Variants in EPC1 observed in about 807,000 individuals in gnomAD.
EPC1 encodes the protein enhancer of polycomb homolog 1.
Under a neutral mutation model 98.4 loss-of-function variants are expected in EPC1, and 12 were observed. The observed-to-expected ratio is 0.12, with a 90% CI of 0.08 to 0.20. The LOEUF is 0.20. Among genes scored for constraint, EPC1 ranks in the 10% least tolerant of loss-of-function variants. EPC1 has a pLI of 1.00. For synonymous variants in EPC1, 357 were observed against 363.9 expected (o/e 0.98, Z 0.21); for missense variants, 729 against 990.5 (o/e 0.74, Z 3.54).
At chr10:32,337,679 C>A (rs1281065233) in intron 1 of EPC1, among the ~76,000 whole-genome samples, 1 of 152,190 alleles carries the variant, frequency 6.6e-6, no homozygotes, top group Non-Finnish European at 1.5e-5. Flanking sequence ...TAAAAGAAAT[C>A]ATTTGCTGAT....
intron 1 of EPC1, among the ~76,000 whole-genome samples, chr10:32,357,546 A>G (rs1839313550): frequency 6.6e-6 from 1 of 152,164 alleles, no homozygotes; most frequent in South Asian, 2.1e-4. Flanking sequence ...CTGCAGCCTC[A>G]AACTTCTGGA....
intron 1 of EPC1, among the ~76,000 whole-genome samples, chr10:32,327,089 A>ACACACT (rs1419191485): frequency 1.3e-5 from 2 of 150,810 alleles, no homozygotes; most frequent in African/African-American, 2.4e-5. Context: ...ACACACACAC[A>ACACACT]CTCACAATGG....
Position 32,305,820 on chromosome 10 carries a change from T to C in EPC1, c.265A>G (p.Ile89Val), listed in dbSNP as rs138679776. ...AESNIAYYES[I>V]YPGEFKMPKQ... ...GGCATCTTAAATTCCCCAGGATATA[T>C]AGACTCATAGTAAGCAATATTACTT... Residue 89 changes from isoleucine to valine, a missense_variant, in exon 2 of 14, where the codon ATA (isoleucine) becomes GTA (valine). Around this residue, in one of 6 missense-constraint regions of EPC1, gnomAD observed 94 missense variants for 125.1 expected, o/e 0.75. Coordinates refer to ENST00000319778, the MANE Select transcript of EPC1 (RefSeq NM_001272004.3). 1.2e-5 allele frequency: 20 copies of C among 1,612,244 alleles called. No individual in the cohort carries two copies. In the Admixed American group the frequency reaches 1.3e-4, roughly 11 times the overall value.
At chr10:32,344,368 G>C (rs887070539) in intron 1 of EPC1, among the ~76,000 whole-genome samples, 34 of 151,880 alleles carry the variant, frequency 2.2e-4, no homozygotes, top group African/African-American at 8.0e-4. Flanking sequence ...GCTTTGGTTG[G>C]ATGTGAAGTG....
At position 32,333,623 on chromosome 10, in the gene EPC1, A is replaced by G. The variant is rs1043607863; in HGVS notation, c.153+13140T>C. Among the ~76,000 whole-genome samples, 8 of 152,316 alleles carry G rather than the reference A, an allele frequency of 5.3e-5. No individual in the cohort carries two copies. The South Asian group carries it at 1.7e-3, about 32-fold the overall frequency. On this transcript the variant is annotated intron_variant, in intron 1 of 13. Coordinates refer to ENST00000319778, the MANE Select transcript of EPC1 (RefSeq NM_001272004.3). ...ACTGCCAGAAAAACATGATCTAAAA[A>G]CTAAGCCATGGGAGTAACTATAAAA...
At chr10:32,377,706 C>T (rs542885849) in intron 1 of EPC1, among the ~76,000 whole-genome samples, 6 of 151,378 alleles carry the variant, frequency 4.0e-5, no homozygotes, top group African/African-American at 1.5e-4. Context: ...TTTTTTTCTT[C>T]CTTTTTTCTT....
chr10:32,348,487 AGCTTAG>A (rs1179649555), upstream of EPC1, among the ~76,000 whole-genome samples: 1 of 152,202 alleles, frequency 6.6e-6, no homozygotes, highest in Non-Finnish European at 1.5e-5. Flanking sequence ...AGCTGTCACT[AGCTTAG>A]GGCACACAGG....
chr10:32,367,146 C>A (rs1175355389), intron 1 of EPC1, among the ~76,000 whole-genome samples: 1 of 152,170 alleles, frequency 6.6e-6, no homozygotes, highest in Non-Finnish European at 1.5e-5. Flanking sequence ...CAGGCGCCAG[C>A]CACCACACCT....
At chr10:32,315,162 A>G (rs1836480654) in intron 1 of EPC1, among the ~76,000 whole-genome samples, 2 of 152,224 alleles carry the variant, frequency 1.3e-5, no homozygotes, top group Admixed American at 1.3e-4. Context: ...TGAGGACTAA[A>G]TAATATTGTC....
intron 1 of EPC1, among the ~76,000 whole-genome samples, chr10:32,308,715 AG>A (rs1836019985): frequency 6.6e-6 from 1 of 152,228 alleles, no homozygotes; most frequent in South Asian, 2.1e-4. Flanking sequence ...TATGGAAAAC[AG>A]TATGGAAGTC....
intron 10 of EPC1, among the ~76,000 whole-genome samples, chr10:32,280,389 T>C (rs956865539): frequency 6.6e-6 from 1 of 151,912 alleles, no homozygotes; most frequent in Non-Finnish European, 1.5e-5. Context: ...CAGGCAGAGG[T>C]TGCAGTGAGT....
chr10:32,287,742 G>T (rs1836764098), intron 6 of EPC1, among the ~76,000 whole-genome samples: 2 of 152,068 alleles, frequency 1.3e-5, no homozygotes, highest in African/African-American at 4.8e-5. Context: ...TGTTAACATA[G>T]TAGAAAACAA....
rs146679178 is a variant in EPC1, at chr10:32,272,041, C to A, written c.1990G>T (p.Val664Phe). The change falls in exon 12 of 14, where the codon GTC becomes TTC. Residue 664 changes from valine (V) to phenylalanine (F), a missense_variant. Around this residue, in one of 6 missense-constraint regions of EPC1, gnomAD observed 156 missense variants for 188.9 expected, o/e 0.83. Transcript: ENST00000319778. The part of the protein sequence containing the change: ...DVVLGIGVNG[V>F]LPASGVYKGL... ...TTATTCTTACCTGAGGCTGGAAGGA[C>A]GCCATTCACCCCGATTCCAAGCACC... 2 of 1,612,684 alleles carry A rather than the reference C, an allele frequency of 1.2e-6. No homozygotes were observed.
intron 1 of EPC1, among the ~76,000 whole-genome samples, chr10:32,309,509 T>C (rs201906576): frequency 1.4e-5 from 2 of 138,930 alleles, no homozygotes; most frequent in Admixed American, 7.4e-5. Context: ...TTTTTTTTTC[T>C]TTTCCCATTC....
At chr10:32,286,379 T>A (rs1215796473) in intron 9 of EPC1, 1 of 335,582 alleles carries the variant, frequency 3.0e-6, no homozygotes. Flanking sequence ...CTTAATACAC[T>A]GTGTGCAATC....
At position 32,286,784 on chromosome 10, in the gene EPC1, C is replaced by T; in HGVS notation, c.1301G>A (p.Gly434Glu). ...PWTSPKDGGL[G>E]DVRYRYCLTT... The stretch of plus-strand genomic sequence containing the variant: ...TAAGCAGTATCTATATCGCACATCC[C>T]CTAATCCTCCATCTTTAGGACTAGT... The change falls in exon 9 of 14, where the codon GGG becomes GAG. Residue 434 changes from glycine (G) to glutamate (E), a missense_variant. Physicochemically the swap from Gly to Glu is moderately conservative, Grantham distance 98. This residue lies in a region of EPC1 where 390 missense variants were observed against 438.6 expected (regional missense o/e 0.89). Coordinates refer to ENST00000319778, the MANE Select transcript of EPC1 (RefSeq NM_001272004.3). 2 of 1,614,060 alleles carry T rather than the reference C, an allele frequency of 1.2e-6. No individual in the cohort carries two copies. The highest frequency in any genetic ancestry group is 2.7e-5 in the African/African-American group (2 of 75,000).
intron 1 of EPC1, among the ~76,000 whole-genome samples, chr10:32,346,119 C>A (rs907284018): frequency 6.6e-6 from 1 of 152,170 alleles, no homozygotes; most frequent in African/African-American, 2.4e-5. Context: ...GTAAGTCGTC[C>A]GGGCAAACAC....
chr10:32,375,618 C>T (rs945334643), intron 1 of EPC1, among the ~76,000 whole-genome samples: 2 of 151,932 alleles, frequency 1.3e-5, no homozygotes, highest in Admixed American at 1.3e-4. Flanking sequence ...TTTCTGCAAC[C>T]TGTTTTTTGG....
At chr10:32,348,239 GA>G (rs932569805), upstream of EPC1, among the ~76,000 whole-genome samples, 1 of 152,172 alleles carries the variant, frequency 6.6e-6, no homozygotes, top group African/African-American at 2.4e-5. Context: ...TATTACACAT[GA>G]AAATGGGTAT....
Sources: gnomAD v4.1 joint callset for allele counts (sites outside exome capture counted in the v4.1 genomes callset) on GRCh38, gnomAD v4.1.1 for gene constraint, gnomAD v4.1.1 regional missense constraint, MANE v1.5 for transcripts, NCBI Gene and HGNC (gene_info 2026-07-23, HGNC 2026-07-21) for gene names.